SPMIP2: variants seen among roughly 807,000 people sequenced by gnomAD.
The protein encoded by SPMIP2 is protein SPMIP2.
At chr4:159,070,810 A>T in the SPMIP2 span, among the ~76,000 whole-genome samples, 6 of 152,152 alleles carry the variant, frequency 3.9e-5, no homozygotes, top group Admixed American at 3.9e-4. Context: ...TATGAGTGAA[A>T]ACTTGTGTCA....
At chr4:159,000,407 A>G in the SPMIP2 span, among the ~76,000 whole-genome samples, 10 of 151,840 alleles carry the variant, frequency 6.6e-5, no homozygotes, top group African/African-American at 1.9e-4. Context: ...TTCTGTTACT[A>G]TAGATTAGTT....
At chr4:158,998,678 A>C in the SPMIP2 span, among the ~76,000 whole-genome samples, 1 of 152,208 alleles carries the variant, frequency 6.6e-6, no homozygotes, top group Non-Finnish European at 1.5e-5. Flanking sequence ...AATTATACAG[A>C]TAGATTGGAA....
chr4:158,897,255 G>A, the SPMIP2 span, among the ~76,000 whole-genome samples: 2 of 152,096 alleles, frequency 1.3e-5, no homozygotes, highest in African/African-American at 4.8e-5. Context: ...TGGGCATTTC[G>A]GTTGGTTCCA....
chr4:158,994,489 G>A, the SPMIP2 span, among the ~76,000 whole-genome samples: 7 of 152,152 alleles, frequency 4.6e-5, no homozygotes, highest in Admixed American at 2.0e-4. Flanking sequence ...GTAGAAGGAT[G>A]AGAGCTCACA....
the SPMIP2 span, among the ~76,000 whole-genome samples, chr4:158,939,727 C>T: frequency 3.3e-5 from 5 of 152,196 alleles, no homozygotes; most frequent in South Asian, 1.0e-3. Context: ...CCTGTAATCC[C>T]AGAACTTTCG....
At chr4:158,959,041 A>G in the SPMIP2 span, among the ~76,000 whole-genome samples, 1 of 152,244 alleles carries the variant, frequency 6.6e-6, no homozygotes, top group Admixed American at 6.5e-5. Flanking sequence ...GGTCTCTTTC[A>G]TAACTATTCT....
the SPMIP2 span, among the ~76,000 whole-genome samples, chr4:158,920,216 TG>T: frequency 1.3e-5 from 2 of 152,212 alleles, no homozygotes; most frequent in Non-Finnish European, 2.9e-5. Flanking sequence ...TCAGGACCAC[TG>T]TGATAATTGT....
chr4:159,058,391 G>T, the SPMIP2 span, among the ~76,000 whole-genome samples: 1 of 152,046 alleles, frequency 6.6e-6, no homozygotes, highest in South Asian at 2.1e-4. Context: ...GTTATATATT[G>T]TTTTGTGTTG....
At chr4:158,991,313 C>T in the SPMIP2 span, among the ~76,000 whole-genome samples, 1 of 151,406 alleles carries the variant, frequency 6.6e-6, no homozygotes, top group African/African-American at 2.4e-5. Context: ...GTGGTGACAA[C>T]ATTGCCTCAG....
the SPMIP2 span, among the ~76,000 whole-genome samples, chr4:158,960,090 T>C: frequency 6.6e-6 from 1 of 152,066 alleles, no homozygotes; most frequent in Non-Finnish European, 1.5e-5. Flanking sequence ...TTATTCCTTT[T>C]CTCCCCTTAA....
the SPMIP2 span, among the ~76,000 whole-genome samples, chr4:159,082,255 C>T: frequency 1.3e-5 from 2 of 151,520 alleles, no homozygotes; most frequent in East Asian, 3.9e-4. Context: ...ATCACTTGAA[C>T]CTGGGAGGCA....
At chr4:158,983,105 T>G in the SPMIP2 span, among the ~76,000 whole-genome samples, 2 of 151,876 alleles carry the variant, frequency 1.3e-5, no homozygotes, top group African/African-American at 4.8e-5. Flanking sequence ...AAGGGAAGTT[T>G]AGAGAGAAAA....
At chr4:158,903,700 G>A in the SPMIP2 span, among the ~76,000 whole-genome samples, 1 of 152,254 alleles carries the variant, frequency 6.6e-6, no homozygotes, top group East Asian at 1.9e-4. Context: ...CATTACTGGA[G>A]AAGGACTAGA....
the SPMIP2 span, among the ~76,000 whole-genome samples, chr4:158,988,058 A>T: frequency 1.3e-5 from 2 of 152,202 alleles, no homozygotes; most frequent in African/African-American, 4.8e-5. Flanking sequence ...GATAAAGGGG[A>T]GATCACCACT....
chr4:158,971,225 T>C, the SPMIP2 span, among the ~76,000 whole-genome samples: 1 of 152,198 alleles, frequency 6.6e-6, no homozygotes, highest in South Asian at 2.1e-4. Context: ...CAGGACATCA[T>C]CACCCAAGGA....
chr4:159,070,877 T>C, the SPMIP2 span, among the ~76,000 whole-genome samples: 1 of 152,176 alleles, frequency 6.6e-6, no homozygotes. Context: ...AGAGGGAAAG[T>C]TGCCAGGCGA....
the SPMIP2 span, among the ~76,000 whole-genome samples, chr4:159,017,057 C>T: frequency 2.6e-5 from 4 of 152,050 alleles, no homozygotes. Context: ...CTCAGCAGCC[C>T]TTTATTAGTG....
chr4:159,041,651 C>T, the SPMIP2 span, among the ~76,000 whole-genome samples: 7 of 152,220 alleles, frequency 4.6e-5, no homozygotes, highest in African/African-American at 1.4e-4. Flanking sequence ...AAGAAACTGT[C>T]ATCTCATTCA....
chr4:159,045,988 G>C, the SPMIP2 span, among the ~76,000 whole-genome samples: 1 of 152,196 alleles, frequency 6.6e-6, no homozygotes, highest in African/African-American at 2.4e-5. Context: ...GGTGGCTCCT[G>C]CCTGTAATCC....
Sources: gnomAD v4.1 joint callset for allele counts (sites outside exome capture counted in the v4.1 genomes callset) on GRCh38, gnomAD v4.1.1 for gene constraint, MANE v1.5 for transcripts, NCBI Gene and HGNC (gene_info 2026-07-23, HGNC 2026-07-21) for gene names.